The following PITPNB variants were observed in gnomAD, a reference collection of about 807,000 sequenced individuals.
PITPNB encodes phosphatidylinositol transfer protein beta.
Under a neutral mutation model 45.9 loss-of-function variants are expected in PITPNB, and 16 were observed. That is an observed-to-expected ratio of 0.35 (90% confidence interval 0.24 to 0.53). The LOEUF (loss-of-function observed/expected upper bound fraction) is 0.53, where lower values mean the gene tolerates loss of function less well. Ranked by LOEUF, PITPNB falls within the 20% of genes least tolerant of loss-of-function variation. The pLI is 0.93. For missense variants in PITPNB, 188 were observed against 330.5 expected, an observed-to-expected ratio of 0.57 and a Z score of 3.34; for synonymous variants, 112 against 108.9, an observed-to-expected ratio of 1.03 and a Z score of -0.18.
At chr22:27,896,480 G>T in intron 6 of PITPNB, 72 bp downstream of exon 6, 1 of 995,464 alleles carries the variant, frequency 1.0e-6, no homozygotes, top group South Asian at 1.3e-5. Context: ...CTTTGATGAT[G>T]ACAAAGTGAA....
chr22:27,919,133 C>T lies in PITPNB; in HGVS notation c.20+39G>A, dbSNP rs1328221688. ...TCCATCAACAAATCTCCCATCACTG[C>T]CGTCCCACGGCCTCGCTCGCGCCCA... is the stretch of plus-strand genomic sequence containing the variant. On this transcript the variant is annotated intron_variant, in intron 1 of 11. Transcript: ENST00000335272. 5.0e-6 allele frequency: 8 copies of T among 1,613,998 alleles called. No homozygotes were observed. The Admixed American group carries it at 5.0e-5, about 10-fold the overall frequency.
chr22:27,879,670 A>T (rs1372601552), intron 7 of PITPNB, among the ~76,000 whole-genome samples: 2 of 152,248 alleles, frequency 1.3e-5, no homozygotes, highest in Non-Finnish European at 2.9e-5. Context: ...GGTGTTTGTT[A>T]AACATTACAT....
chr22:27,910,121 T>C (rs1324223845), intron 3 of PITPNB, among the ~76,000 whole-genome samples: 2 of 151,874 alleles, frequency 1.3e-5, no homozygotes, highest in East Asian at 3.9e-4. Flanking sequence ...CAGGCTAATT[T>C]TTGTATTTTT....
intron 7 of PITPNB, among the ~76,000 whole-genome samples, chr22:27,880,294 C>T (rs1481552920): frequency 6.6e-6 from 1 of 152,194 alleles, no homozygotes; most frequent in Non-Finnish European, 1.5e-5. Context: ...CGCTTGCTCC[C>T]TCTCAGCCTA....
intron 9 of PITPNB, among the ~76,000 whole-genome samples, chr22:27,859,835 T>C (rs1342685601): frequency 6.6e-6 from 1 of 152,184 alleles, no homozygotes; most frequent in Admixed American, 6.5e-5. Context: ...CCAGGTCCTC[T>C]TGGGGACGTG....
chr22:27,862,829 C>T lies in PITPNB; in HGVS notation c.535-2588G>A, dbSNP rs149201008. Among the ~76,000 whole-genome samples, 151 of 152,274 alleles carry T rather than the reference C, an allele frequency of 9.9e-4. 1 individual carries two copies. Among genetic ancestry groups the T allele is most frequent in the Non-Finnish European group, 1.7e-3 (117 of 68,012 alleles). ...GCTGCCCTTGGTGTCAATATTCTCA[C>T]CCCGGAAACATCCTCCTGTTGTGGA... On this transcript the variant is annotated intron_variant, in intron 8 of 11. Coordinates refer to ENST00000335272, the MANE Select transcript of PITPNB (RefSeq NM_012399.5).
At chr22:27,885,212 TAAAAAAA>T (rs71194746) in intron 7 of PITPNB, among the ~76,000 whole-genome samples, 24 of 30,222 alleles carry the variant, frequency 7.9e-4, no homozygotes, top group Admixed American at 2.2e-3. Flanking sequence ...AATTTATACC[TAAAAAAA>T]AAAAAAAAAA....
chr22:27,903,121 T>C (rs992236376), intron 3 of PITPNB, among the ~76,000 whole-genome samples: 1 of 152,106 alleles, frequency 6.6e-6, no homozygotes, highest in Admixed American at 6.6e-5. Flanking sequence ...GATAAGGAAC[T>C]AGTACCCGGA....
chr22:27,885,618 T>A (rs972438566), intron 7 of PITPNB, among the ~76,000 whole-genome samples: 1 of 152,148 alleles, frequency 6.6e-6, no homozygotes, highest in African/African-American at 2.4e-5. Flanking sequence ...CAAGCAATCC[T>A]CCTGCCTCAG....
At chr22:27,885,846 A>G (rs961158403) in intron 7 of PITPNB, among the ~76,000 whole-genome samples, 37 of 152,158 alleles carry the variant, frequency 2.4e-4, no homozygotes, top group African/African-American at 8.7e-4. Context: ...AACATTTGCA[A>G]ATTCTCTCTG....
intron 7 of PITPNB, among the ~76,000 whole-genome samples, chr22:27,882,087 A>G (rs1000060535): frequency 2.2e-4 from 33 of 152,350 alleles, no homozygotes; most frequent in African/African-American, 7.2e-4. Context: ...GAAAAGATAC[A>G]CCAAATCCTT....
chr22:27,905,512 T>C (rs1376405203), intron 3 of PITPNB, among the ~76,000 whole-genome samples: 1 of 152,218 alleles, frequency 6.6e-6, no homozygotes, highest in African/African-American at 2.4e-5. Context: ...ATCAATCCTT[T>C]CATTTTCAAG....
chr22:27,919,137 C>T, intron 1 of PITPNB, 35 bp downstream of exon 1: 1 of 1,614,012 alleles, frequency 6.2e-7, no homozygotes, highest in Non-Finnish European at 8.5e-7. Flanking sequence ...TCACTGCCGT[C>T]CCACGGCCTC....
At chr22:27,892,693 G>A (rs1366939833) in intron 7 of PITPNB, among the ~76,000 whole-genome samples, 1 of 152,124 alleles carries the variant, frequency 6.6e-6, no homozygotes, top group Non-Finnish European at 1.5e-5. Flanking sequence ...AAATAAAAGG[G>A]CATAACAGAT....
chr22:27,916,985 C>T lies in PITPNB; in HGVS notation c.20+2187G>A, dbSNP rs112080385. Among the ~76,000 whole-genome samples, 182 of 152,100 alleles carry T rather than the reference C, an allele frequency of 1.2e-3. 2 individuals are homozygous for T. In the South Asian group the frequency reaches 0.013, roughly 11 times the overall value. On this transcript the variant is annotated intron_variant, in intron 1 of 11. Transcript: ENST00000335272. ...TTGAACAACACTGAATTCTTTAGAGCATGTTAGGCCTAGATGCTGTGCTAG... is the reference window on the plus strand; with the variant it reads ...TTGAACAACACTGAATTCTTTAGAGTATGTTAGGCCTAGATGCTGTGCTAG...
chr22:27,852,849 A>C lies in PITPNB; in HGVS notation c.*853T>G, dbSNP rs1934061150. On this transcript the variant is annotated 3_prime_UTR_variant, in exon 12 of 12. Transcript: ENST00000335272. ...ATGTGTTTGTCTAACAGGAGCCTGA[A>C]AACTGTCTAGTATTTATTATAAATC... is the stretch of plus-strand genomic sequence containing the variant. 6.6e-6 allele frequency: 1 copy of C among 152,636 alleles called. No homozygotes were observed. Among genetic ancestry groups the C allele is most frequent in the Non-Finnish European group, 1.5e-5 (1 of 68,036 alleles). The allele number at this position is 152,636 out of a possible 1,614,324, so 9.5% of individuals were successfully genotyped here.
In PITPNB at chr22:27,873,804, A is replaced by G; in HGVS notation, c.468T>C (p.Ala156=). 6.2e-7 allele frequency: 1 copy of G among 1,611,830 alleles called. No homozygotes were observed. The change falls in exon 8 of 12, where the codon GCT becomes GCC. Residue 156 remains alanine, a synonymous_variant. Coordinates refer to ENST00000335272, the MANE Select transcript of PITPNB (RefSeq NM_012399.5). ...RSQVEPADYK[A]DEDPALFQSV... ...ACTGGAATAATGCTGGGTCTTCATC[A>G]GCTTTGTAGTCCTGCAAAGCAAAAC...
At position 27,853,039 on chromosome 22, in the gene PITPNB, A is replaced by G. The variant is rs1393325609; in HGVS notation, c.*663T>C. 2 of 152,740 alleles carry G rather than the reference A, an allele frequency of 1.3e-5. No homozygotes were observed. The highest frequency in any genetic ancestry group is 2.9e-5 in the Non-Finnish European group (2 of 68,032). 9.5% of individuals were successfully genotyped at this position (152,740 alleles called of 1,614,324 possible). On this transcript the variant is annotated 3_prime_UTR_variant, in exon 12 of 12. Coordinates refer to ENST00000335272, the MANE Select transcript of PITPNB (RefSeq NM_012399.5). ...CTTTGCTCCTTACTTTATATTGTCA[A>G]ATTTGGCTACAAGATAATGACCATC...
chr22:27,888,622 C>T (rs1186060674), intron 7 of PITPNB, among the ~76,000 whole-genome samples: 3 of 152,132 alleles, frequency 2.0e-5, no homozygotes, highest in Non-Finnish European at 4.4e-5. Context: ...GAACAGGTTG[C>T]TAAACAAAGA....
Sources: allele counts gnomAD v4.1 joint callset (sites outside exome capture counted in the v4.1 genomes callset), GRCh38; gene constraint gnomAD v4.1.1; transcripts MANE v1.5; gene names NCBI Gene and HGNC (gene_info 2026-07-23, HGNC 2026-07-21).